Variants in ALG12 observed in about 807,000 individuals in gnomAD.
ALG12 encodes the protein dol-P-Man:Man(7)GlcNAc(2)-PP-Dol alpha-1,6-mannosyltransferase.
ALG12 carries 36 observed loss-of-function variants against 46.0 expected under a neutral mutation model. That is an observed-to-expected ratio of 0.78 (90% CI 0.60 to 1.03). The LOEUF (loss-of-function observed/expected upper bound fraction) is 1.03, where lower values mean the gene tolerates loss of function less well. Among genes scored for constraint, ALG12 ranks in the 50% least tolerant of loss-of-function variants. The pLI, the probability that ALG12 is intolerant of heterozygous loss-of-function variation, is 0.00. For missense variants in ALG12, 599 were observed against 633.5 expected, an observed-to-expected ratio of 0.95 and a Z score of 0.58; for synonymous variants, 326 against 291.6, an observed-to-expected ratio of 1.12 and a Z score of -1.20.
the ALG12 span, among the ~76,000 whole-genome samples, chr22:49,867,264 TA>T: frequency 6.6e-6 from 1 of 152,380 alleles, no homozygotes; most frequent in Non-Finnish European, 1.5e-5. Context: ...AGGACTTGTA[TA>T]GTTTCAGTCC....
rs2060516622 is a variant in ALG12, at chr22:49,902,439, C to CGTGTGCACTGTGTATGCATGGT, written c.*1377_*1398dup. 1.6e-5 allele frequency: 1 copy of CGTGTGCACTGTGTATGCATGGT among 62,890 alleles called. No homozygotes were observed. Among genetic ancestry groups the CGTGTGCACTGTGTATGCATGGT allele is most frequent in the African/African-American group, 2.7e-4 (1 of 3,730 alleles). 3.9% of individuals were successfully genotyped at this position (62,890 alleles called of 1,614,324 possible). A position where few individuals can be genotyped will look rare whatever the true frequency, so the allele number is the denominator to read the frequency against. On this transcript the variant is annotated 3_prime_UTR_variant, in exon 10 of 10. Coordinates refer to ENST00000330817, the MANE Select transcript of ALG12 (RefSeq NM_024105.4). The stretch of plus-strand genomic sequence containing the variant: ...GCACTGTGTATGCATGGTGTGTGCA[C>CGTGTGCACTGTGTATGCATGGT]GTGTGCACTGTGTATGCATGGTGTG...
intron 1 of ALG12, among the ~76,000 whole-genome samples, chr22:49,915,332 G>A (rs902691475): frequency 6.6e-6 from 1 of 152,196 alleles, no homozygotes; most frequent in Non-Finnish European, 1.5e-5. Flanking sequence ...GCTGAGGTGG[G>A]TGGATCACGA....
the ALG12 span, chr22:49,884,190 G>T: frequency 6.2e-7 from 1 of 1,608,970 alleles, no homozygotes; most frequent in Non-Finnish European, 8.5e-7. Context: ...ATGGCAGTGT[G>T]TCTGCCGTGT....
chr22:49,892,187 C>CAAAAAA, the ALG12 span, among the ~76,000 whole-genome samples: 141 of 55,314 alleles, frequency 2.5e-3, 4 homozygotes, highest in African/African-American at 5.3e-3. Flanking sequence ...GACTCTGTCT[C>CAAAAAA]AAAAAAAAAA....
the ALG12 span, among the ~76,000 whole-genome samples, chr22:49,866,283 C>T: frequency 6.6e-6 from 1 of 152,234 alleles, no homozygotes; most frequent in East Asian, 1.9e-4. Flanking sequence ...GCCCTGTCCC[C>T]TCCTGTTTCT....
At chr22:49,866,478 T>G in the ALG12 span, among the ~76,000 whole-genome samples, 1 of 152,196 alleles carries the variant, frequency 6.6e-6, no homozygotes, top group East Asian at 1.9e-4. Context: ...TTTTTAGGTC[T>G]TCATTCTTGA....
chr22:49,885,795 T>C, the ALG12 span: 38 of 1,604,092 alleles, frequency 2.4e-5, no homozygotes, highest in Non-Finnish European at 3.1e-5. Flanking sequence ...TGTATGATAA[T>C]GTGAAGCAGA....
the ALG12 span, among the ~76,000 whole-genome samples, chr22:49,865,638 G>A: frequency 6.6e-6 from 1 of 152,082 alleles, no homozygotes; most frequent in Non-Finnish European, 1.5e-5. Context: ...TCACACCACT[G>A]CACTCCAGTC....
chr22:49,885,412 C>T, the ALG12 span: 7 of 1,604,206 alleles, frequency 4.4e-6, no homozygotes, highest in African/African-American at 2.7e-5. Flanking sequence ...GCACTGTGGC[C>T]GGACCATCAG....
At chr22:49,874,666 C>A in the ALG12 span, among the ~76,000 whole-genome samples, 61 of 63,804 alleles carry the variant, frequency 9.6e-4, no homozygotes, top group African/African-American at 1.8e-3. Flanking sequence ...AACCACCATG[C>A]CCAGCCTTTT....
At chr22:49,880,132 G>T in the ALG12 span, among the ~76,000 whole-genome samples, 1 of 79,432 alleles carries the variant, frequency 1.3e-5, no homozygotes, top group East Asian at 7.2e-4. Flanking sequence ...CTTGAGGCTG[G>T]CGTTTAAGCT....
At chr22:49,909,069 C>T (rs1295407075) in intron 6 of ALG12, among the ~76,000 whole-genome samples, 175 bp downstream of exon 6, 2 of 152,156 alleles carry the variant, frequency 1.3e-5, no homozygotes, top group Non-Finnish European at 2.9e-5. Context: ...CAGCCAGGAC[C>T]TCACCTCCCA....
At chr22:49,885,424 C>T in the ALG12 span, 22 of 1,608,608 alleles carry the variant, frequency 1.4e-5, no homozygotes, top group African/African-American at 2.7e-5. Context: ...GACCATCAGC[C>T]GGGGGAAGAA....
chr22:49,891,322 A>G, the ALG12 span, among the ~76,000 whole-genome samples: 1 of 152,250 alleles, frequency 6.6e-6, no homozygotes, highest in Non-Finnish European at 1.5e-5. Context: ...TGATCTGGGC[A>G]CAACGGTTTT....
the ALG12 span, among the ~76,000 whole-genome samples, chr22:49,880,507 C>T: frequency 6.6e-6 from 1 of 152,340 alleles, no homozygotes; most frequent in Non-Finnish European, 1.5e-5. Flanking sequence ...GGTGGGGCTC[C>T]CTCTTTAGCT....
chr22:49,909,508 G>A (rs751183967), intron 5 of ALG12, among the ~76,000 whole-genome samples, 161 bp from the exon 6 acceptor site: 5 of 152,174 alleles, frequency 3.3e-5, no homozygotes, highest in Non-Finnish European at 7.4e-5. Flanking sequence ...CAAGGTTGCA[G>A]TGGGCCATGA....
the ALG12 span, among the ~76,000 whole-genome samples, chr22:49,869,642 G>GT: frequency 6.6e-6 from 1 of 152,020 alleles, no homozygotes; most frequent in African/African-American, 2.4e-5. Context: ...TATCTCATTG[G>GT]TTTTTTTCTT....
intron 7 of ALG12, among the ~76,000 whole-genome samples, chr22:49,907,041 C>A (rs893446565): frequency 1.3e-5 from 2 of 152,176 alleles, no homozygotes; most frequent in Non-Finnish European, 2.9e-5. Flanking sequence ...GCAGGAAGCC[C>A]CCTGCCCTCC....
chr22:49,904,193 G>C lies in ALG12; in HGVS notation c.1224C>G (p.Val408=). 1.2e-6 allele frequency: 2 copies of C among 1,614,196 alleles called. No individual in the cohort carries two copies. The highest frequency in any genetic ancestry group is 1.7e-6 in the Non-Finnish European group (2 of 1,180,028). The change falls in exon 9 of 10, where the codon GTC becomes GTG. Residue 408 remains valine (V), a synonymous_variant. Transcript: ENST00000330817. Reference sequence around the variant, plus strand: ...GTGGATCCTACCTCCAGGCGCTGTTGACTTGGAGAAACCGAGACACACCTG... The same window carrying C: ...GTGGATCCTACCTCCAGGCGCTGTTCACTTGGAGAAACCGAGACACACCTG... ...AQTGVSRFLQ[V]NSAWRYDKRE...
Sources: allele counts gnomAD v4.1 joint callset (sites outside exome capture counted in the v4.1 genomes callset), GRCh38; gene constraint gnomAD v4.1.1; transcripts MANE v1.5; gene names NCBI Gene and HGNC (gene_info 2026-07-23, HGNC 2026-07-21).